GABRG3: variants seen among roughly 807,000 people sequenced by gnomAD.
GABRG3 encodes the protein gamma-aminobutyric acid type A receptor subunit gamma3.
Under a neutral mutation model 48.8 loss-of-function variants are expected in GABRG3, and 25 were observed. That is an observed-to-expected ratio of 0.51 (90% confidence interval 0.37 to 0.72). The LOEUF (loss-of-function observed/expected upper bound fraction) is 0.72, where lower values mean the gene tolerates loss of function less well. GABRG3 is among the 30% of genes least tolerant of loss of function. GABRG3 has a pLI of 0.00. For synonymous variants in GABRG3, 227 were observed against 217.6 expected (o/e 1.04, Z -0.38); for missense variants, 394 against 577.9 (o/e 0.68, Z 3.26).
At chr15:27,088,275 G>C (rs907122697) in intron 3 of GABRG3, among the ~76,000 whole-genome samples, 1 of 151,698 alleles carries the variant, frequency 6.6e-6, no homozygotes, top group African/African-American at 2.4e-5. Context: ...GCGCGGGGGC[G>C]GGCGCGGGCC....
intron 3 of GABRG3, among the ~76,000 whole-genome samples, chr15:27,174,841 A>G (rs900417494): frequency 2.0e-5 from 3 of 152,034 alleles, no homozygotes; most frequent in Admixed American, 2.0e-4. Context: ...ACCAAGCCCT[A>G]GAATAGGTTG....
intron 6 of GABRG3, among the ~76,000 whole-genome samples, chr15:27,517,474 G>A (rs144801927): frequency 4.6e-5 from 7 of 152,202 alleles, no homozygotes; most frequent in Admixed American, 4.6e-4. Context: ...GGAGTATACT[G>A]AGCATAGGCA....
At chr15:27,307,842 TAAAC>T (rs1446052408) in intron 3 of GABRG3, among the ~76,000 whole-genome samples, 6 of 135,378 alleles carry the variant, frequency 4.4e-5, no homozygotes, top group African/African-American at 1.3e-4. Flanking sequence ...ATATATAAAA[TAAAC>T]ATGTTTATAT....
intron 4 of GABRG3, among the ~76,000 whole-genome samples, chr15:27,328,538 T>C (rs959641713): frequency 1.3e-5 from 2 of 152,276 alleles, no homozygotes; most frequent in Admixed American, 1.3e-4. Context: ...GTCTCCTCTC[T>C]GACTTGGCGT....
chr15:27,257,282 G>A (rs1026962570), intron 3 of GABRG3, among the ~76,000 whole-genome samples: 2 of 151,822 alleles, frequency 1.3e-5, no homozygotes, highest in Non-Finnish European at 2.9e-5. Flanking sequence ...TGGGTTCCTT[G>A]TATGTTTAGG....
chr15:27,286,000 A>G (rs948719550), intron 3 of GABRG3, among the ~76,000 whole-genome samples: 1 of 152,200 alleles, frequency 6.6e-6, no homozygotes, highest in African/African-American at 2.4e-5. Context: ...TGAATTAATT[A>G]GGTTGGGATC....
intron 3 of GABRG3, among the ~76,000 whole-genome samples, chr15:27,103,815 AT>A (rs1157455878): frequency 6.6e-6 from 1 of 152,136 alleles, no homozygotes; most frequent in Admixed American, 6.5e-5. Context: ...ACCAATATCA[AT>A]AGCTTGGGGC....
At chr15:27,171,302 C>T (rs1843401161) in intron 3 of GABRG3, among the ~76,000 whole-genome samples, 1 of 152,188 alleles carries the variant, frequency 6.6e-6, no homozygotes, top group Admixed American at 6.5e-5. Flanking sequence ...GGAATCCTTT[C>T]ACTTTATTTC....
At chr15:27,026,720 C>T (rs199846011) in intron 2 of GABRG3, 34 bp from the exon 3 acceptor site, 50 of 1,534,982 alleles carry the variant, frequency 3.3e-5, no homozygotes, top group African/African-American at 5.5e-5. Context: ...TTCTCCGGCA[C>T]GAAGTATTAA....
Position 26,976,882 on chromosome 15 carries a change from T to C in GABRG3, c.54-120T>C, listed in dbSNP as rs1171014018. 1 of 904,020 alleles carries C rather than the reference T, an allele frequency of 1.1e-6. No individual in the cohort carries two copies. Among genetic ancestry groups the C allele is most frequent in the East Asian group, 2.5e-5 (1 of 40,048 alleles). The allele number at this position is 904,020 out of a possible 1,614,324, so 56.0% of individuals were successfully genotyped here. A position where few individuals can be genotyped will look rare whatever the true frequency, so the allele number is the denominator to read the frequency against. Reference sequence around the variant, plus strand: ...TATTTTCGGGTTTTCACGTGTGTGGTTGGGCTGTGGGTACTGGGGACTTTC... The same window carrying C: ...TATTTTCGGGTTTTCACGTGTGTGGCTGGGCTGTGGGTACTGGGGACTTTC... On this transcript the variant is annotated intron_variant, in intron 1 of 9. Coordinates refer to ENST00000615808, the MANE Select transcript of GABRG3 (RefSeq NM_033223.5). The surrounding 1 kb of genome is among the most constrained non-coding windows in gnomAD (Gnocchi z 7.8).
chr15:27,422,050 A>G (rs1399407644), intron 5 of GABRG3, among the ~76,000 whole-genome samples: 6 of 148,354 alleles, frequency 4.0e-5, no homozygotes, highest in African/African-American at 7.5e-5. Context: ...GTGTTCTAAG[A>G]TATCCATGGG....
At chr15:27,456,746 G>C (rs1022602906) in intron 5 of GABRG3, among the ~76,000 whole-genome samples, 2 of 152,154 alleles carry the variant, frequency 1.3e-5, no homozygotes, top group Admixed American at 1.3e-4. Flanking sequence ...CCGTCTCCTG[G>C]GTCTCAGATA....
Position 27,097,959 on chromosome 15 carries a change from A to T in GABRG3, c.270+71138A>T, listed in dbSNP as rs140787692. Among the ~76,000 whole-genome samples, 46 of 150,094 alleles carry T rather than the reference A, an allele frequency of 3.1e-4. No individual in the cohort carries two copies. In the East Asian group the frequency reaches 6.8e-3, roughly 22 times the overall value. ...ATTATTCTTTTTTTTTTTAAATCAG[A>T]TGTCTTATAAGAAGAGAAGGAATTA... On this transcript the variant is annotated intron_variant, in intron 3 of 9. Coordinates refer to ENST00000615808, the MANE Select transcript of GABRG3 (RefSeq NM_033223.5).
intron 5 of GABRG3, among the ~76,000 whole-genome samples, chr15:27,431,574 T>G (rs1888454784): frequency 6.6e-6 from 1 of 152,352 alleles, no homozygotes; most frequent in South Asian, 2.1e-4. Context: ...ATAAAAGTGT[T>G]GAGAGCAGGC....
chr15:27,269,577 A>C (rs1046358095), intron 3 of GABRG3, among the ~76,000 whole-genome samples: 1 of 152,194 alleles, frequency 6.6e-6, no homozygotes. Context: ...CAAGTTTCAT[A>C]TTTTAAATGA....
intron 5 of GABRG3, among the ~76,000 whole-genome samples, chr15:27,357,954 C>T (rs1292605000): frequency 1.3e-5 from 2 of 152,194 alleles, no homozygotes. Flanking sequence ...GAATTTGTAA[C>T]TTCAGGCATT....
chr15:27,529,720 CAG>C (rs1290021505), intron 9 of GABRG3, among the ~76,000 whole-genome samples: 2 of 151,844 alleles, frequency 1.3e-5, no homozygotes, highest in Non-Finnish European at 2.9e-5. Flanking sequence ...GGGACCAAAA[CAG>C]AGGGGAGAGG....
At chr15:27,520,252 C>A in intron 7 of GABRG3, 128 bp downstream of exon 7, 1 of 997,836 alleles carries the variant, frequency 1.0e-6, no homozygotes, top group Non-Finnish European at 1.5e-6. Context: ...TTGAACCATG[C>A]TTAGAATTTT....
At position 26,977,011 on chromosome 15, in the gene GABRG3, G is replaced by T; in HGVS notation, c.63G>T (p.Lys21Asn). The change falls in exon 2 of 10, where the codon AAG becomes AAT. Residue 21 changes from lysine (K) to asparagine (N), a missense_variant. Lys to Asn is a moderately conservative substitution (Grantham distance 94). Coordinates refer to ENST00000615808, the MANE Select transcript of GABRG3 (RefSeq NM_033223.5). ...LFSGLHARSR[K>N]VEEDEYEDSS... The stretch of plus-strand genomic sequence containing the variant: ...TGTGCTGTAACTCCAGGTCCAGAAA[G>T]GTGGAAGAGGATGAATATGAAGATT... The T allele has an allele frequency of 6.2e-7, 1 of 1,613,886 alleles. No homozygotes were observed. The highest frequency in any genetic ancestry group is 1.1e-5 in the South Asian group (1 of 91,072).
Sources: allele counts gnomAD v4.1 joint callset (sites outside exome capture counted in the v4.1 genomes callset), GRCh38; gene constraint gnomAD v4.1.1; non-coding constraint Gnocchi (gnomAD v3.1); transcripts MANE v1.5; gene names NCBI Gene and HGNC (gene_info 2026-07-23, HGNC 2026-07-21).